BNC2: variants seen among roughly 807,000 people sequenced by gnomAD.
BNC2 encodes basonuclin zinc finger protein 2, also known as zinc finger protein basonuclin-2.
BNC2 carries 20 observed loss-of-function variants against 76.3 expected under a neutral mutation model. That is an observed-to-expected ratio of 0.26 (90% CI 0.18 to 0.38). The LOEUF (loss-of-function observed/expected upper bound fraction) is 0.38. Ranked by LOEUF, BNC2 falls within the 10% of genes least tolerant of loss-of-function variation. The pLI, the probability that BNC2 is intolerant of heterozygous loss-of-function variation, is 1.00. For missense variants in BNC2, 1,382 were observed against 1,399.8 expected (o/e 0.99, Z 0.20); for synonymous variants, 582 against 514.8 (o/e 1.13, Z -1.77).
intron 4 of BNC2, among the ~76,000 whole-genome samples, chr9:16,571,044 A>G (rs1200690061): frequency 6.6e-6 from 1 of 152,174 alleles, no homozygotes; most frequent in African/African-American, 2.4e-5. Flanking sequence ...GAGTCAATAC[A>G]AATTGTAAAA....
At chr9:16,787,612 G>A (rs904640905) in intron 1 of BNC2, among the ~76,000 whole-genome samples, 4 of 152,102 alleles carry the variant, frequency 2.6e-5, no homozygotes, top group African/African-American at 9.7e-5. Context: ...TTCTATATCC[G>A]GTACCTTTTG....
chr9:16,870,300 A>G (rs1392939727), intron 1 of BNC2, among the ~76,000 whole-genome samples: 1 of 139,484 alleles, frequency 7.2e-6, no homozygotes, highest in Admixed American at 7.0e-5. Context: ...TCGTCCCCCC[A>G]GCCCGTCCCC....
intron 3 of BNC2, among the ~76,000 whole-genome samples, chr9:16,698,148 C>T (rs891727216): frequency 1.3e-5 from 2 of 152,126 alleles, no homozygotes; most frequent in Non-Finnish European, 2.9e-5. Flanking sequence ...GCTACAGAAA[C>T]CATACATCTA....
At chr9:16,456,781 T>C (rs7850919) in intron 5 of BNC2, among the ~76,000 whole-genome samples, 7,394 of 151,910 alleles carry the variant, frequency 0.049, 491 homozygotes, top group African/African-American at 0.14. Context: ...GGGAAAGACA[T>C]ATTCTAGATA....
chr9:16,753,732 T>C (rs1825290245), intron 1 of BNC2, among the ~76,000 whole-genome samples: 1 of 152,218 alleles, frequency 6.6e-6, no homozygotes, highest in Non-Finnish European at 1.5e-5. Context: ...GCTTCATAAA[T>C]ATTTCTTCAA....
chr9:16,636,072 A>C (rs1821316291), intron 3 of BNC2, among the ~76,000 whole-genome samples: 1 of 152,214 alleles, frequency 6.6e-6, no homozygotes, highest in Non-Finnish European at 1.5e-5. Flanking sequence ...ATGGCAAAAT[A>C]ATCTTAGGAA....
At chr9:16,770,166 G>A (rs1329320773) in intron 1 of BNC2, among the ~76,000 whole-genome samples, 3 of 152,114 alleles carry the variant, frequency 2.0e-5, no homozygotes, top group Non-Finnish European at 4.4e-5. Context: ...GAAGGTATGG[G>A]CCAAATCTCA....
intron 5 of BNC2, among the ~76,000 whole-genome samples, chr9:16,504,332 T>C (rs569463615): frequency 1.6e-5 from 2 of 127,740 alleles, no homozygotes; most frequent in East Asian, 5.8e-4. Context: ...TGAATACATG[T>C]ATTAATACAT....
At chr9:16,779,701 T>C (rs777164029) in intron 1 of BNC2, among the ~76,000 whole-genome samples, 2 of 152,040 alleles carry the variant, frequency 1.3e-5, no homozygotes, top group Non-Finnish European at 2.9e-5. Flanking sequence ...TGGATGAACC[T>C]TGAAAATATA....
At chr9:16,705,607 T>C (rs1275341751) in intron 3 of BNC2, among the ~76,000 whole-genome samples, 1 of 152,194 alleles carries the variant, frequency 6.6e-6, no homozygotes, top group African/African-American at 2.4e-5. Context: ...AGTCTTCTGT[T>C]TAAATGTAGG....
intron 3 of BNC2, among the ~76,000 whole-genome samples, chr9:16,701,938 CAA>C (rs5896700): frequency 2.2e-5 from 2 of 91,544 alleles, no homozygotes; most frequent in African/African-American, 5.0e-5. Context: ...CGAGACTCTC[CAA>C]AAAAAAAAAA....
At chr9:16,566,314 T>C (rs1434431962) in intron 4 of BNC2, among the ~76,000 whole-genome samples, 2 of 152,120 alleles carry the variant, frequency 1.3e-5, no homozygotes, top group Non-Finnish European at 2.9e-5. Context: ...TAAAAAGCCA[T>C]TATTCTATTT....
chr9:16,839,783 C>T (rs941081431), intron 1 of BNC2, among the ~76,000 whole-genome samples: 1 of 152,186 alleles, frequency 6.6e-6, no homozygotes, highest in African/African-American at 2.4e-5. Context: ...AACGTAATTT[C>T]CAATATATAG....
intron 1 of BNC2, among the ~76,000 whole-genome samples, chr9:16,824,328 A>C (rs1369956588): frequency 6.6e-6 from 1 of 152,212 alleles, no homozygotes; most frequent in African/African-American, 2.4e-5. Flanking sequence ...AGAAATTAAA[A>C]GACTTGAAAC....
At chr9:16,674,915 T>C (rs1822592454) in intron 3 of BNC2, among the ~76,000 whole-genome samples, 1 of 152,194 alleles carries the variant, frequency 6.6e-6, no homozygotes, top group African/African-American at 2.4e-5. Context: ...AAACAGATTA[T>C]TAGATGGGAA....
intron 5 of BNC2, among the ~76,000 whole-genome samples, chr9:16,481,073 C>T (rs974288563): frequency 6.6e-6 from 1 of 152,162 alleles, no homozygotes; most frequent in Non-Finnish European, 1.5e-5. Context: ...ACGCACCAAT[C>T]AGCACCCTGT....
rs757321212 is a variant in BNC2 at position 16,435,975 on chromosome 9, C to T, written c.2219G>A (p.Gly740Glu). Residue 740 changes from glycine (G) to glutamate (E), a missense_variant, in exon 6 of 7, where the codon GGG becomes GAG. This residue lies in a region of BNC2 where 798 missense variants were observed against 775.5 expected (regional missense o/e 1.03). Transcript: ENST00000380672. Reference sequence around the variant, plus strand: ...CACTTCGCTGTGAATGTGCTCATCCCCTTCCATGGATTCCTCGCCCAGTTT... The same window carrying T: ...CACTTCGCTGTGAATGTGCTCATCCTCTTCCATGGATTCCTCGCCCAGTTT... ...EPKLGEESME[G>E]DEHIHSEVSE... is the part of the protein sequence containing the mutation. 1 of 1,614,178 alleles carries T rather than the reference C, an allele frequency of 6.2e-7. No homozygotes were observed. The highest frequency in any genetic ancestry group is 1.1e-5 in the South Asian group (1 of 91,078).
rs1820654751 is a variant in BNC2, at chr9:16,419,168, G to A, written c.3121C>T (p.His1041Tyr). 1 of 1,614,112 alleles carries A rather than the reference G, an allele frequency of 6.2e-7. No individual in the cohort carries two copies. The highest frequency in any genetic ancestry group is 1.1e-5 in the South Asian group (1 of 91,078). The change falls in exon 7 of 7, where the codon CAC (histidine) becomes TAC (tyrosine). Residue 1041 changes from histidine (H) to tyrosine (Y), a missense_variant. Transcript: ENST00000380672. ...GTCCCCTTGTTGCTGTACATTTTGTGGCAAATGTTGCACATGATCCCACCA... is the reference window on the plus strand; with the variant it reads ...GTCCCCTTGTTGCTGTACATTTTGTAGCAAATGTTGCACATGATCCCACCA... Reference protein sequence around the residue: ...SNGGIMCNICHKMYSNKGTLR... With the variant: ...SNGGIMCNICYKMYSNKGTLR...
intron 1 of BNC2, among the ~76,000 whole-genome samples, chr9:16,847,536 G>C (rs1338012967): frequency 6.6e-6 from 1 of 151,744 alleles, no homozygotes; most frequent in African/African-American, 2.4e-5. Context: ...AGGAAATTTT[G>C]AAGTGCTAGT....
Sources: allele counts gnomAD v4.1 joint callset (sites outside exome capture counted in the v4.1 genomes callset), GRCh38; gene constraint gnomAD v4.1.1; regional missense constraint gnomAD v4.1.1; transcripts MANE v1.5; gene names NCBI Gene and HGNC (gene_info 2026-07-23, HGNC 2026-07-21).